The following RBFOX1 variants were observed in gnomAD, a reference collection of about 807,000 sequenced individuals.
The protein encoded by RBFOX1 is RNA binding fox-1 homolog 1.
Under a neutral mutation model 57.7 loss-of-function variants are expected in RBFOX1, and 8 were observed. The observed-to-expected ratio is 0.14, with a 90% CI of 0.08 to 0.25. The LOEUF is 0.25. Among genes scored for constraint, RBFOX1 ranks in the 10% least tolerant of loss-of-function variants. RBFOX1 has a pLI of 1.00. For synonymous variants in RBFOX1, 326 were observed against 222.4 expected, an observed-to-expected ratio of 1.47 and a Z score of -4.15; for missense variants, 611 against 548.5, an observed-to-expected ratio of 1.11 and a Z score of -1.14.
chr16:7,051,951 T>C, intron 3 of RBFOX1, 106 bp from the exon 4 acceptor site: 3 of 1,480,602 alleles, frequency 2.0e-6, no homozygotes, highest in Non-Finnish European at 2.7e-6. Flanking sequence ...TAATTAATTA[T>C]GGGTTTTCTT....
At chr16:7,688,221 ATGTGTGTGTGTG>A (rs3029191) in intron 14 of RBFOX1, among the ~76,000 whole-genome samples, 23,250 of 120,784 alleles carry the variant, frequency 0.19, 2,382 homozygotes, top group South Asian at 0.35. Context: ...GCAGGTTTAA[ATGTGTGTGTGTG>A]TGTGTGTGTG....
chr16:7,142,380 G>C (rs1206668318), intron 4 of RBFOX1, among the ~76,000 whole-genome samples: 1 of 152,124 alleles, frequency 6.6e-6, no homozygotes, highest in Admixed American at 6.5e-5. Context: ...GTGAAATGAG[G>C]TCCATGTCCT....
intron 3 of RBFOX1, among the ~76,000 whole-genome samples, chr16:6,978,790 C>G (rs147466852): frequency 1.3e-3 from 200 of 152,350 alleles, no homozygotes; most frequent in African/African-American, 4.6e-3. Context: ...GGAGTTCATG[C>G]TCTGTGGCTA....
intron 3 of RBFOX1, among the ~76,000 whole-genome samples, chr16:6,835,269 G>A (rs1887340951): frequency 6.6e-6 from 1 of 152,108 alleles, no homozygotes; most frequent in Admixed American, 6.5e-5. Context: ...AAACACAGCT[G>A]CTATGCGGGT....
chr16:5,373,198 T>A (rs1003090757), intron 1 of RBFOX1, among the ~76,000 whole-genome samples: 3 of 152,114 alleles, frequency 2.0e-5, no homozygotes, highest in Non-Finnish European at 4.4e-5. Context: ...TTGTGGGAGT[T>A]TGTTTTTATG....
chr16:6,867,137 T>G (rs1479204033), intron 3 of RBFOX1, among the ~76,000 whole-genome samples: 1 of 152,202 alleles, frequency 6.6e-6, no homozygotes, highest in Non-Finnish European at 1.5e-5. Flanking sequence ...AGGTTTTAGC[T>G]TGGAGATGTA....
intron 1 of RBFOX1, among the ~76,000 whole-genome samples, chr16:6,290,073 A>T (rs2077306024): frequency 6.6e-6 from 1 of 152,108 alleles, no homozygotes; most frequent in South Asian, 2.1e-4. Context: ...TAAAATTGTG[A>T]CCACAGCATT....
intron 3 of RBFOX1, among the ~76,000 whole-genome samples, chr16:7,025,312 A>T (rs1302356433): frequency 6.6e-6 from 1 of 152,060 alleles, no homozygotes; most frequent in East Asian, 1.9e-4. Flanking sequence ...AGTGAGGACG[A>T]CCAGAGGTCC....
In RBFOX1 at chr16:6,871,615, C is replaced by G. The variant is rs776644124; in HGVS notation, c.-15-180442C>G. 5.3e-5 allele frequency among the ~76,000 whole-genome samples: 8 copies of G among 152,196 alleles called. No individual in the cohort carries two copies. In the East Asian group the frequency reaches 1.4e-3, roughly 26 times the overall value. On this transcript the variant is annotated intron_variant, in intron 3 of 15. Coordinates refer to ENST00000550418, the MANE Select transcript of RBFOX1 (RefSeq NM_018723.4). ...TCCATTCTCCTTCTATTCTCCTGGCCAAAGCCACTCTTCCCTCCTGCCTGG... is the reference window on the plus strand; with the variant it reads ...TCCATTCTCCTTCTATTCTCCTGGCGAAAGCCACTCTTCCCTCCTGCCTGG...
intron 1 of RBFOX1, among the ~76,000 whole-genome samples, chr16:5,367,294 C>T (rs551025567): frequency 6.6e-6 from 1 of 152,236 alleles, no homozygotes; most frequent in Non-Finnish European, 1.5e-5. Flanking sequence ...ATCAGTGATG[C>T]GGTTGCTCGC....
At chr16:6,257,243 A>T in intron 1 of RBFOX1, among the ~76,000 whole-genome samples, 1 of 151,892 alleles carries the variant, frequency 6.6e-6, no homozygotes, top group Non-Finnish European at 1.5e-5. Context: ...TGTGCTAGCT[A>T]TTTATCCCGA....
chr16:5,487,377 GGAA>G (rs1406978593), intron 2 of RBFOX1, among the ~76,000 whole-genome samples: 2 of 152,208 alleles, frequency 1.3e-5, no homozygotes, highest in African/African-American at 4.8e-5. Flanking sequence ...ACAGGAGAGA[GGAA>G]GAGGGAACCA....
chr16:6,377,398 G>A (rs567028316), intron 2 of RBFOX1, among the ~76,000 whole-genome samples: 26 of 151,982 alleles, frequency 1.7e-4, no homozygotes, highest in Non-Finnish European at 3.5e-4. Context: ...ATAAGCCCAC[G>A]TTCTGACATT....
intron 3 of RBFOX1, among the ~76,000 whole-genome samples, chr16:6,699,799 G>A (rs921557465): frequency 2.0e-5 from 3 of 152,062 alleles, no homozygotes; most frequent in Non-Finnish European, 2.9e-5. Flanking sequence ...ATGCAGGCAC[G>A]GTGAAGAAAA....
At chr16:7,445,596 T>C (rs1415910266) in intron 4 of RBFOX1, among the ~76,000 whole-genome samples, 1 of 152,190 alleles carries the variant, frequency 6.6e-6, no homozygotes, top group Non-Finnish European at 1.5e-5. Flanking sequence ...AGAAAACTCA[T>C]TGCCATGAAA....
At chr16:7,368,047 A>C (rs1389826759) in intron 4 of RBFOX1, among the ~76,000 whole-genome samples, 1 of 152,106 alleles carries the variant, frequency 6.6e-6, no homozygotes, top group Non-Finnish European at 1.5e-5. Flanking sequence ...ATGGTGAATC[A>C]GCTGAGGTCA....
chr16:7,414,849 C>G (rs1274247139), intron 4 of RBFOX1, among the ~76,000 whole-genome samples: 1 of 152,170 alleles, frequency 6.6e-6, no homozygotes, highest in African/African-American at 2.4e-5. Flanking sequence ...AACTCCTGAC[C>G]TCAGGTGATC....
intron 1 of RBFOX1, among the ~76,000 whole-genome samples, chr16:5,416,094 G>A (rs514346): frequency 0.89 from 135,964 of 152,212 alleles, 60,760 homozygotes; most frequent in Middle Eastern, 0.96. Flanking sequence ...ACTGGGAAAC[G>A]CCTGTACATC....
At chr16:6,661,104 G>A (rs1330319792) in intron 3 of RBFOX1, among the ~76,000 whole-genome samples, 1 of 152,168 alleles carries the variant, frequency 6.6e-6, no homozygotes, top group East Asian at 1.9e-4. Flanking sequence ...TGGCCATGTG[G>A]AATATAGATT....
Sources: allele counts gnomAD v4.1 joint callset (sites outside exome capture counted in the v4.1 genomes callset), GRCh38; gene constraint gnomAD v4.1.1; transcripts MANE v1.5; gene names NCBI Gene and HGNC (gene_info 2026-07-23, HGNC 2026-07-21).